AFG1L: variants seen among roughly 807,000 people sequenced by gnomAD.
AFG1L encodes the protein AFG1 like ATPase.
In AFG1L, 53 loss-of-function variants were observed where a neutral mutation model predicts 62.2. That is an observed-to-expected ratio of 0.85 (90% CI 0.68 to 1.07). AFG1L has a LOEUF of 1.07. Ranked by LOEUF, AFG1L falls within the 50% of genes least tolerant of loss-of-function variation. The pLI is 0.00. For synonymous variants in AFG1L, 228 were observed against 210.3 expected, an observed-to-expected ratio of 1.08 and a Z score of -0.73; for missense variants, 555 against 590.5, an observed-to-expected ratio of 0.94 and a Z score of 0.62.
chr6:108,490,397 C>G (rs1773730893), intron 10 of AFG1L, among the ~76,000 whole-genome samples: 1 of 152,106 alleles, frequency 6.6e-6, no homozygotes, highest in Non-Finnish European at 1.5e-5. Flanking sequence ...AAGTAATTTA[C>G]TAGATCAGTA....
intron 6 of AFG1L, among the ~76,000 whole-genome samples, chr6:108,398,575 T>C (rs1371295507): frequency 6.6e-6 from 1 of 152,222 alleles, no homozygotes; most frequent in African/African-American, 2.4e-5. Context: ...CTTACAGTAG[T>C]TTCATAATTT....
At chr6:108,490,876 C>G (rs927153050) in intron 10 of AFG1L, among the ~76,000 whole-genome samples, 1 of 152,186 alleles carries the variant, frequency 6.6e-6, no homozygotes, top group African/African-American at 2.4e-5. Flanking sequence ...TCTCTACTGA[C>G]GGATGCTCAG....
At chr6:108,395,728 T>C (rs1456200981) in intron 6 of AFG1L, among the ~76,000 whole-genome samples, 2 of 151,708 alleles carry the variant, frequency 1.3e-5, no homozygotes, top group Non-Finnish European at 2.9e-5. Context: ...TTTCATAAAA[T>C]TTTAAAAATC....
intron 6 of AFG1L, among the ~76,000 whole-genome samples, chr6:108,396,383 C>T (rs1781310534): frequency 6.6e-6 from 1 of 152,112 alleles, no homozygotes; most frequent in Non-Finnish European, 1.5e-5. Flanking sequence ...GCAATAAATA[C>T]TACCTGTTTA....
At chr6:108,487,366 A>T (rs1179339032) in intron 10 of AFG1L, among the ~76,000 whole-genome samples, 1 of 151,906 alleles carries the variant, frequency 6.6e-6, no homozygotes, top group African/African-American at 2.4e-5. Context: ...ACATAGCAAG[A>T]CTCTGACTAC....
At chr6:108,447,505 A>T (rs935519269) in intron 8 of AFG1L, among the ~76,000 whole-genome samples, 1 of 152,098 alleles carries the variant, frequency 6.6e-6, no homozygotes, top group Non-Finnish European at 1.5e-5. Context: ...CAAAACCCTA[A>T]TTAGTTTTTT....
At chr6:108,336,133 A>G (rs1778467256) in intron 2 of AFG1L, among the ~76,000 whole-genome samples, 1 of 152,156 alleles carries the variant, frequency 6.6e-6, no homozygotes, top group African/African-American at 2.4e-5. Flanking sequence ...CTTCTTAGAA[A>G]CCTGAAATGA....
At chr6:108,468,521 G>A (rs1158388307) in intron 8 of AFG1L, among the ~76,000 whole-genome samples, 1 of 152,090 alleles carries the variant, frequency 6.6e-6, no homozygotes, top group African/African-American at 2.4e-5. Context: ...AATTGCATAA[G>A]GATATGCCTT....
chr6:108,321,739 C>T (rs1163752267), intron 1 of AFG1L, among the ~76,000 whole-genome samples: 1 of 152,214 alleles, frequency 6.6e-6, no homozygotes, highest in African/African-American at 2.4e-5. Context: ...TATCCTGGTA[C>T]TGTGAGGCCT....
chr6:108,372,467 T>C (rs1247692767), intron 6 of AFG1L, among the ~76,000 whole-genome samples: 1 of 151,876 alleles, frequency 6.6e-6, no homozygotes, highest in Non-Finnish European at 1.5e-5. Flanking sequence ...GTAGCTGGGA[T>C]TACAGGCACG....
At chr6:108,418,695 G>T (rs1362866717) in intron 7 of AFG1L, among the ~76,000 whole-genome samples, 1 of 152,136 alleles carries the variant, frequency 6.6e-6, no homozygotes, top group African/African-American at 2.4e-5. Flanking sequence ...AGAAATATCA[G>T]CTTTGTTAGG....
chr6:108,434,610 C>T lies in AFG1L; in HGVS notation c.808-12604C>T, dbSNP rs552942538. 9.0e-4 allele frequency among the ~76,000 whole-genome samples: 137 copies of T among 152,264 alleles called. 1 individual carries two copies. The highest frequency in any genetic ancestry group is 3.1e-3 in the South Asian group (15 of 4,820). On this transcript the variant is annotated intron_variant, in intron 7 of 12. Transcript: ENST00000368977. ...CAATGTTTATGCAGTTTTCTTCCCC[C>T]CTCCATTGTTTTCCCAACTCTGGAG... is the stretch of plus-strand genomic sequence containing the variant.
At chr6:108,511,822 A>T (rs888718835) in intron 11 of AFG1L, among the ~76,000 whole-genome samples, 3 of 152,326 alleles carry the variant, frequency 2.0e-5, no homozygotes, top group African/African-American at 7.2e-5. Context: ...TGTAAACTTC[A>T]TCATGCCAAG....
chr6:108,406,261 C>T (rs1781847395), intron 7 of AFG1L, among the ~76,000 whole-genome samples: 1 of 151,728 alleles, frequency 6.6e-6, no homozygotes, highest in Non-Finnish European at 1.5e-5. Flanking sequence ...AATACACAAG[C>T]ATTCCAGTTT....
chr6:108,302,611 C>T (rs987835512), intron 1 of AFG1L, among the ~76,000 whole-genome samples: 1 of 151,994 alleles, frequency 6.6e-6, no homozygotes, highest in African/African-American at 2.4e-5. Context: ...GGTCAGGAAC[C>T]CTGGGCACGG....
At chr6:108,414,156 A>G (rs1056419796) in intron 7 of AFG1L, among the ~76,000 whole-genome samples, 3 of 152,202 alleles carry the variant, frequency 2.0e-5, no homozygotes, top group Non-Finnish European at 4.4e-5. Flanking sequence ...CTATGCAAAT[A>G]AACTAGAAAA....
At chr6:108,358,698 A>AT (rs1779396159) in intron 5 of AFG1L, among the ~76,000 whole-genome samples, 2 of 151,796 alleles carry the variant, frequency 1.3e-5, no homozygotes, top group South Asian at 4.2e-4. Context: ...TGCCCAGCTA[A>AT]TTTTTTTGTA....
chr6:108,433,260 A>G (rs903592927), intron 7 of AFG1L, among the ~76,000 whole-genome samples: 3 of 145,874 alleles, frequency 2.1e-5, no homozygotes, highest in Non-Finnish European at 4.6e-5. Context: ...ACAAACATTA[A>G]CTTTATTATT....
At chr6:108,347,066 T>A (rs1359014607) in intron 3 of AFG1L, 27 bp downstream of exon 3, 1 of 1,592,036 alleles carries the variant, frequency 6.3e-7, no homozygotes, top group Admixed American at 1.7e-5. Flanking sequence ...AAGTTTTGGG[T>A]GGGCAAAACA....
Sources: gnomAD v4.1 joint callset for allele counts (sites outside exome capture counted in the v4.1 genomes callset) on GRCh38, gnomAD v4.1.1 for gene constraint, MANE v1.5 for transcripts, NCBI Gene and HGNC (gene_info 2026-07-23, HGNC 2026-07-21) for gene names.